MRAP2: variants seen among roughly 807,000 people sequenced by gnomAD.
The protein encoded by MRAP2 is melanocortin-2 receptor accessory protein 2.
MRAP2 carries 20 observed loss-of-function variants against 17.4 expected under a neutral mutation model. That is an observed-to-expected ratio of 1.15 (90% CI 0.81 to 1.67). MRAP2 has a LOEUF of 1.67. MRAP2 is among the 40% of genes most tolerant of loss of function. The pLI is 0.00. For synonymous variants in MRAP2, 96 were observed against 88.4 expected (o/e 1.09, Z -0.48); for missense variants, 238 against 240.0 (o/e 0.99, Z 0.05).
chr6:84,049,138 C>A (rs2099489765), intron 1 of MRAP2, among the ~76,000 whole-genome samples: 1 of 152,264 alleles, frequency 6.6e-6, no homozygotes, highest in African/African-American at 2.4e-5. Flanking sequence ...TTAAAAATTA[C>A]TTCTGGCTGG....
chr6:84,105,116 C>T, the MRAP2 span, among the ~76,000 whole-genome samples: 1 of 152,142 alleles, frequency 6.6e-6, no homozygotes, highest in Non-Finnish European at 1.5e-5. Context: ...CCCAAGCTTT[C>T]CCACATTTTC....
At chr6:84,120,160 GTGTCTTAGC>G in the MRAP2 span, among the ~76,000 whole-genome samples, 3 of 152,150 alleles carry the variant, frequency 2.0e-5, no homozygotes, top group Non-Finnish European at 4.4e-5. Flanking sequence ...CAGAAGAAGG[GTGTCTTAGC>G]TCCAGAGAGG....
At chr6:84,066,931 G>A (rs188239868) in intron 3 of MRAP2, among the ~76,000 whole-genome samples, 1 of 152,176 alleles carries the variant, frequency 6.6e-6, no homozygotes. Context: ...GTGGTATTTG[G>A]TTACATAAGG....
chr6:84,145,646 T>A, the MRAP2 span, among the ~76,000 whole-genome samples: 1 of 152,082 alleles, frequency 6.6e-6, no homozygotes, highest in African/African-American at 2.4e-5. Context: ...GTATTTCAAA[T>A]TTTTCTCCTA....
At chr6:84,051,164 T>A (rs2099490312) in intron 1 of MRAP2, among the ~76,000 whole-genome samples, 3 of 152,224 alleles carry the variant, frequency 2.0e-5, no homozygotes, top group Admixed American at 1.3e-4. Flanking sequence ...ACCAGGGATA[T>A]TGACACAAAG....
intron 2 of MRAP2, among the ~76,000 whole-genome samples, chr6:84,057,497 G>A (rs1396047258): frequency 6.6e-6 from 1 of 152,202 alleles, no homozygotes; most frequent in Non-Finnish European, 1.5e-5. Context: ...AGCAACCTCA[G>A]ATGGTGCTTG....
the MRAP2 span, among the ~76,000 whole-genome samples, chr6:84,113,150 T>C: frequency 2.0e-5 from 3 of 152,178 alleles, no homozygotes; most frequent in East Asian, 5.8e-4. Context: ...TGAATATCCT[T>C]GTTAATTTTC....
chr6:84,058,573 G>A (rs978127018), intron 2 of MRAP2, among the ~76,000 whole-genome samples: 1 of 152,144 alleles, frequency 6.6e-6, no homozygotes, highest in African/African-American at 2.4e-5. Context: ...GGGGGAAGCC[G>A]TAGACTTGAG....
rs140154602 is a variant in MRAP2 at position 84,053,916 on chromosome 6, T to C, written c.-7-1396T>C. Among the ~76,000 whole-genome samples the C allele has an allele frequency of 2.7e-3, 407 of 151,878 alleles. 2 individuals are homozygous for C. The highest frequency in any genetic ancestry group is 8.9e-3 in the African/African-American group (368 of 41,420). On this transcript the variant is annotated intron_variant, in intron 1 of 3. Coordinates refer to ENST00000257776, the MANE Select transcript of MRAP2 (RefSeq NM_138409.4). The stretch of plus-strand genomic sequence containing the variant: ...GGGGTTGGAGTCTTTTTTTGTGGAG[T>C]CCATGTCTGGGATGGGAAAGAAGGG...
chr6:84,085,923 G>C (rs1160340971), intron 3 of MRAP2, among the ~76,000 whole-genome samples: 1 of 152,210 alleles, frequency 6.6e-6, no homozygotes, highest in Admixed American at 6.5e-5. Context: ...TCAGGAAGAA[G>C]GGGCTTAGCC....
At chr6:84,038,168 G>A (rs1588617463) in intron 1 of MRAP2, among the ~76,000 whole-genome samples, 1 of 152,354 alleles carries the variant, frequency 6.6e-6, no homozygotes, top group South Asian at 2.1e-4. Flanking sequence ...GCCTAAGGGC[G>A]AGGGCCCCTG....
chr6:84,067,324 T>C (rs2099494999), intron 3 of MRAP2, among the ~76,000 whole-genome samples: 1 of 152,224 alleles, frequency 6.6e-6, no homozygotes. Context: ...CAATTGTGAA[T>C]TGTGCTGCTA....
intron 3 of MRAP2, among the ~76,000 whole-genome samples, chr6:84,079,928 GGC>G (rs1248820238): frequency 6.6e-6 from 1 of 152,140 alleles, no homozygotes; most frequent in African/African-American, 2.4e-5. Flanking sequence ...GCAAGATTAT[GGC>G]TTTTGCAGAG....
At chr6:84,088,968 G>T in intron 3 of MRAP2, 123 bp from the exon 4 acceptor site, 1 of 1,028,416 alleles carries the variant, frequency 9.7e-7, no homozygotes, top group Non-Finnish European at 1.4e-6. Flanking sequence ...TGCCATGCAA[G>T]GGGCTTACAC....
upstream of MRAP2, chr6:84,033,685 C>CGCGCTGCA: frequency 3.0e-6 from 3 of 985,180 alleles, no homozygotes; most frequent in Non-Finnish European, 3.6e-6. Flanking sequence ...AGGCGGCTCC[C>CGCGCTGCA]GCGCTGCAGC....
At chr6:84,050,669 G>C (rs1456577884) in intron 1 of MRAP2, among the ~76,000 whole-genome samples, 1 of 152,228 alleles carries the variant, frequency 6.6e-6, no homozygotes, top group South Asian at 2.1e-4. Flanking sequence ...TCTCTATGTT[G>C]TGCGGGGGAC....
the MRAP2 span, among the ~76,000 whole-genome samples, chr6:84,133,724 T>C: frequency 1.3e-5 from 2 of 152,146 alleles, no homozygotes; most frequent in African/African-American, 2.4e-5. Context: ...AAGCACAGTA[T>C]TAGGGTGGGA....
chr6:84,084,796 T>C (rs1222579962), intron 3 of MRAP2, among the ~76,000 whole-genome samples: 2 of 152,100 alleles, frequency 1.3e-5, no homozygotes, highest in Non-Finnish European at 2.9e-5. Context: ...GGAAAAGCCA[T>C]GTGGCCAGCT....
the MRAP2 span, among the ~76,000 whole-genome samples, chr6:84,104,867 CA>C: frequency 1.4e-5 from 2 of 146,532 alleles, no homozygotes; most frequent in East Asian, 2.0e-4. Flanking sequence ...GACTCCGTCT[CA>C]AAAAAAAAAG....
Sources: allele counts gnomAD v4.1 joint callset (sites outside exome capture counted in the v4.1 genomes callset), GRCh38; gene constraint gnomAD v4.1.1; transcripts MANE v1.5; gene names NCBI Gene and HGNC (gene_info 2026-07-23, HGNC 2026-07-21).